The following KIAA1549L variants were observed in gnomAD, a reference collection of about 807,000 sequenced individuals.
KIAA1549L encodes UPF0606 protein KIAA1549L.
KIAA1549L carries 88 observed loss-of-function variants against 160.7 expected under a neutral mutation model. The ratio of observed to expected loss-of-function variants is 0.55; its 90% CI spans 0.46 to 0.65. The LOEUF (loss-of-function observed/expected upper bound fraction) is 0.65. Among genes scored for constraint, KIAA1549L ranks in the 30% least tolerant of loss-of-function variants. The pLI, the probability that KIAA1549L is intolerant of heterozygous loss-of-function variation, is 0.00. For missense variants in KIAA1549L, 2,258 were observed against 2,437.5 expected (o/e 0.93, Z 1.55); for synonymous variants, 950 against 976.7 (o/e 0.97, Z 0.51).
chr11:33,394,837 C>T (rs1850341956), intron 1 of KIAA1549L, among the ~76,000 whole-genome samples: 1 of 152,242 alleles, frequency 6.6e-6, no homozygotes, highest in Admixed American at 6.5e-5. Context: ...CATATTCAGT[C>T]TGTGGCTCCC....
At chr11:33,537,728 T>G (rs1414284591) in intron 1 of KIAA1549L, among the ~76,000 whole-genome samples, 1 of 152,174 alleles carries the variant, frequency 6.6e-6, no homozygotes, top group Non-Finnish European at 1.5e-5. Flanking sequence ...CTTGAATCAG[T>G]CTTTTCAAAT....
At chr11:33,508,953 T>C (rs923718879) in intron 1 of KIAA1549L, among the ~76,000 whole-genome samples, 4 of 152,218 alleles carry the variant, frequency 2.6e-5, no homozygotes, top group Non-Finnish European at 5.9e-5. Flanking sequence ...TTCACTTCTT[T>C]GGTTCTGTCG....
intron 20 of KIAA1549L, among the ~76,000 whole-genome samples, chr11:33,661,894 AAAAAAAAAAAAAG>A (rs1345455658): frequency 2.0e-5 from 3 of 150,550 alleles, no homozygotes; most frequent in African/African-American, 4.9e-5. Context: ...AAAAAAAAAA[AAAAAAAAAAAAAG>A]AAACCCAAGA....
At chr11:33,410,425 TA>T (rs1850764190) in intron 1 of KIAA1549L, among the ~76,000 whole-genome samples, 1 of 152,138 alleles carries the variant, frequency 6.6e-6, no homozygotes, top group African/African-American at 2.4e-5. Context: ...AGAAAACCAC[TA>T]AAAAAGAGGT....
intron 17 of KIAA1549L, among the ~76,000 whole-genome samples, chr11:33,652,948 A>G (rs930200506): frequency 1.3e-5 from 2 of 152,196 alleles, no homozygotes; most frequent in Non-Finnish European, 2.9e-5. Flanking sequence ...TGGCTAAAGA[A>G]ACGTTTGGAA....
rs1336499533 is a variant in KIAA1549L at position 33,658,902 on chromosome 11, G to A, written c.6007+4G>A. On this transcript the variant is annotated splice_donor_region_variant and intron_variant, in intron 19 of 20. Coordinates refer to ENST00000658780, the MANE Select transcript of KIAA1549L (RefSeq NM_012194.3). ...CAGTCGGCTTTAAATTACTCAGGTGGGCAAGAGAAAAGCCCGAGTGTGCCC... is the reference window on the plus strand; with the variant it reads ...CAGTCGGCTTTAAATTACTCAGGTGAGCAAGAGAAAAGCCCGAGTGTGCCC... 3.2e-6 allele frequency: 5 copies of A among 1,546,940 alleles called. No individual in the cohort carries two copies. The highest frequency in any genetic ancestry group is 4.4e-6 in the Non-Finnish European group (5 of 1,144,464).
intron 1 of KIAA1549L, among the ~76,000 whole-genome samples, chr11:33,451,665 C>G (rs987559095): frequency 6.6e-6 from 1 of 152,212 alleles, no homozygotes; most frequent in Non-Finnish European, 1.5e-5. Flanking sequence ...TGACAACTCC[C>G]TCAACCTCCT....
At chr11:33,443,135 T>A (rs1160447375) in intron 1 of KIAA1549L, among the ~76,000 whole-genome samples, 1 of 152,182 alleles carries the variant, frequency 6.6e-6, no homozygotes, top group Admixed American at 6.5e-5. Flanking sequence ...TATTTCCAGT[T>A]TTCTGATGAC....
chr11:33,469,456 C>T (rs1046356604), intron 1 of KIAA1549L, among the ~76,000 whole-genome samples: 15 of 152,040 alleles, frequency 9.9e-5, no homozygotes, highest in African/African-American at 3.6e-4. Context: ...CACTTTTTGG[C>T]TTTTGTGAAT....
At chr11:33,435,759 GAT>G (rs71034686) in intron 1 of KIAA1549L, among the ~76,000 whole-genome samples, 574 of 14,876 alleles carry the variant, frequency 0.039, 91 homozygotes, top group Middle Eastern at 0.083. Flanking sequence ...GAACCAATAA[GAT>G]ATATATATAT....
chr11:33,574,363 A>G (rs556624985), intron 9 of KIAA1549L, among the ~76,000 whole-genome samples: 124 of 152,352 alleles, frequency 8.1e-4, no homozygotes, highest in African/African-American at 2.8e-3. Context: ...CGTGTTTGAG[A>G]ATAACCTAAC....
intron 14 of KIAA1549L, 75 bp downstream of exon 14, chr11:33,606,897 T>A (rs1850521810): frequency 7.7e-7 from 1 of 1,294,798 alleles, no homozygotes; most frequent in South Asian, 1.4e-5. Flanking sequence ...ACAACACCTG[T>A]GAATACTGGG....
intron 1 of KIAA1549L, among the ~76,000 whole-genome samples, chr11:33,512,359 A>G (rs912773759): frequency 2.6e-5 from 4 of 152,230 alleles, no homozygotes; most frequent in Admixed American, 2.6e-4. Context: ...TTACCTTTTA[A>G]TGCTGCCATT....
intron 12 of KIAA1549L, among the ~76,000 whole-genome samples, chr11:33,594,407 C>T (rs1850145650): frequency 6.6e-6 from 1 of 152,186 alleles, no homozygotes. Flanking sequence ...CTGACCTTAG[C>T]TGGGCCTGCT....
In KIAA1549L at chr11:33,502,586, T is replaced by C. The variant is rs554897051; in HGVS notation, c.239-39216T>C. On this transcript the variant is annotated intron_variant, in intron 1 of 20. Transcript: ENST00000658780. ...ATATCAAACACAAGATGACATTTAATGGGAAGACTGATATCTCCCACTTTA... is the reference window on the plus strand; with the variant it reads ...ATATCAAACACAAGATGACATTTAACGGGAAGACTGATATCTCCCACTTTA... Among the ~76,000 whole-genome samples, 4 of 152,330 alleles carry C rather than the reference T, an allele frequency of 2.6e-5. No individual in the cohort carries two copies. The East Asian group carries it at 7.7e-4, about 29-fold the overall frequency.
intron 1 of KIAA1549L, among the ~76,000 whole-genome samples, chr11:33,394,056 C>T (rs1370274785): frequency 6.6e-6 from 1 of 152,198 alleles, no homozygotes; most frequent in Non-Finnish European, 1.5e-5. Flanking sequence ...ACTAACTTCT[C>T]TCCACAGATG....
chr11:33,663,344 A>C (rs561954746), intron 20 of KIAA1549L, among the ~76,000 whole-genome samples: 5 of 152,336 alleles, frequency 3.3e-5, no homozygotes, highest in Non-Finnish European at 7.4e-5. Flanking sequence ...GATGTCTGCC[A>C]TGGGCACTGG....
Position 33,559,737 on chromosome 11 carries a change from G to T in KIAA1549L, c.3856-12G>T, listed in dbSNP as rs1431411565. On this transcript the variant is annotated splice_polypyrimidine_tract_variant and intron_variant, in intron 6 of 20. Coordinates refer to ENST00000658780, the MANE Select transcript of KIAA1549L (RefSeq NM_012194.3). ...GCCTGTCTCCCTCCCCTTTTCTCCT[G>T]TGTTGATTCAGATTGTGAGCACGTC... The T allele has an allele frequency of 1.2e-6, 2 of 1,613,268 alleles. No homozygotes were observed. The highest frequency in any genetic ancestry group is 2.7e-5 in the African/African-American group (2 of 74,848).
intron 1 of KIAA1549L, among the ~76,000 whole-genome samples, chr11:33,382,888 C>T (rs1850099837): frequency 1.3e-5 from 2 of 151,912 alleles, no homozygotes; most frequent in African/African-American, 4.8e-5. Context: ...TGGGATACTG[C>T]AGCATTTGGG....
Sources: gnomAD v4.1 joint callset for allele counts (sites outside exome capture counted in the v4.1 genomes callset) on GRCh38, gnomAD v4.1.1 for gene constraint, MANE v1.5 for transcripts, NCBI Gene and HGNC (gene_info 2026-07-23, HGNC 2026-07-21) for gene names.